The following CA10 variants were observed in gnomAD, a reference collection of about 807,000 sequenced individuals.
CA10 encodes carbonic anhydrase 10 (inactive).
CA10 carries 14 observed loss-of-function variants against 44.2 expected under a neutral mutation model. The ratio of observed to expected loss-of-function variants is 0.32; its 90% CI spans 0.21 to 0.50. The LOEUF (loss-of-function observed/expected upper bound fraction) is 0.50. Ranked by LOEUF, CA10 falls within the 20% of genes least tolerant of loss-of-function variation. The pLI is 0.99. For synonymous variants in CA10, 159 were observed against 141.6 expected (o/e 1.12, Z -0.87); for missense variants, 350 against 409.7 (o/e 0.85, Z 1.26).
intron 3 of CA10, among the ~76,000 whole-genome samples, chr17:51,929,550 A>AC (rs1047024923): frequency 2.6e-5 from 4 of 151,730 alleles, no homozygotes; most frequent in African/African-American, 9.7e-5. Context: ...GGGCTTTTCC[A>AC]CCCCCTGCTT....
rs146891012 is a variant in CA10, at chr17:51,685,275, G to A, written c.466-31539C>T. On this transcript the variant is annotated intron_variant, in intron 4 of 8. Coordinates refer to ENST00000451037, the MANE Select transcript of CA10 (RefSeq NM_020178.5). The stretch of plus-strand genomic sequence containing the variant: ...GATGGCATGAAGACCCAGATTTGCC[G>A]TCTGTAAATCATTTGAGACTCTCTC... Among the ~76,000 whole-genome samples, 620 of 152,214 alleles carry A rather than the reference G, an allele frequency of 4.1e-3. 2 individuals are homozygous for A. Among genetic ancestry groups the A allele is most frequent in the African/African-American group, 0.014 (568 of 41,534 alleles).
chr17:51,877,229 T>G lies in CA10; in HGVS notation c.279+53761A>C, dbSNP rs145145601. On this transcript the variant is annotated intron_variant, in intron 3 of 8. Transcript: ENST00000451037. The stretch of plus-strand genomic sequence containing the variant: ...CCAATGTTGCTGAGTAGAAATGACA[T>G]GGAAGAGAGTACCCTGCCAAACCTC... Among the ~76,000 whole-genome samples, 51 of 152,300 alleles carry G rather than the reference T, an allele frequency of 3.3e-4. 3 individuals are homozygous for G. Among genetic ancestry groups the G allele is most frequent in the African/African-American group, 1.2e-3 (49 of 41,556 alleles).
intron 3 of CA10, among the ~76,000 whole-genome samples, chr17:51,887,534 G>A (rs536588027): frequency 2.6e-4 from 39 of 152,282 alleles, no homozygotes; most frequent in Admixed American, 2.1e-3. Context: ...TAACATGGTT[G>A]GGATCCTTGC....
intron 1 of CA10, among the ~76,000 whole-genome samples, chr17:52,154,475 TA>T (rs2143420965): frequency 6.6e-6 from 1 of 152,304 alleles, no homozygotes; most frequent in East Asian, 1.9e-4. Flanking sequence ...TTGTAAAAAT[TA>T]AATCAGGCAG....
At chr17:51,654,142 C>G (rs1468456652) in intron 4 of CA10, among the ~76,000 whole-genome samples, 1 of 152,214 alleles carries the variant, frequency 6.6e-6, no homozygotes, top group African/African-American at 2.4e-5. Flanking sequence ...ATCTTCCTTG[C>G]AGCCTCGGAG....
At chr17:51,924,618 C>T (rs944901556) in intron 3 of CA10, among the ~76,000 whole-genome samples, 2 of 152,176 alleles carry the variant, frequency 1.3e-5, no homozygotes, top group African/African-American at 2.4e-5. Context: ...GCCTTCTTTC[C>T]ATAAGAGGGG....
rs376027669 is a variant in CA10, at chr17:51,950,796, T to A, written c.137-19664A>T. On this transcript the variant is annotated intron_variant, in intron 2 of 8. Transcript: ENST00000451037. ...TGAATGATACAGCACTTATCACCAATAAATATAGCATATATTTATATTGAT... is the reference window on the plus strand; with the variant it reads ...TGAATGATACAGCACTTATCACCAAAAAATATAGCATATATTTATATTGAT... Among the ~76,000 whole-genome samples the A allele has an allele frequency of 2.4e-3, 363 of 152,260 alleles. 1 individual carries two copies. The highest frequency in any genetic ancestry group is 8.4e-3 in the African/African-American group (348 of 41,558).
intron 6 of CA10, among the ~76,000 whole-genome samples, chr17:51,644,798 G>C (rs1464620463): frequency 2.2e-5 from 3 of 135,862 alleles, no homozygotes; most frequent in African/African-American, 8.2e-5. Flanking sequence ...TACATTTCTT[G>C]GCTTTTTTTT....
At position 51,808,047 on chromosome 17, in the gene CA10, C is replaced by T. The variant is rs190800328; in HGVS notation, c.280-60229G>A. Among the ~76,000 whole-genome samples the T allele has an allele frequency of 5.5e-4, 83 of 152,256 alleles. No homozygotes were observed. The South Asian group carries it at 7.7e-3, about 14-fold the overall frequency. On this transcript the variant is annotated intron_variant, in intron 3 of 8. Transcript: ENST00000451037. The stretch of plus-strand genomic sequence containing the variant: ...AAAAATAAAGTTTCCACTGTCATAT[C>T]CCATTGTTCTCACTACAGATCTGAG...
chr17:51,917,459 G>A (rs1202331674), intron 3 of CA10, among the ~76,000 whole-genome samples: 1 of 134,416 alleles, frequency 7.4e-6, no homozygotes, highest in Non-Finnish European at 1.7e-5. Flanking sequence ...TTCTTGCATT[G>A]TTATACAGAA....
intron 3 of CA10, among the ~76,000 whole-genome samples, chr17:51,846,948 A>G (rs1403235641): frequency 6.6e-6 from 1 of 152,184 alleles, no homozygotes; most frequent in Non-Finnish European, 1.5e-5. Context: ...ATATTTTGGG[A>G]TGAAATTAAT....
chr17:51,669,470 C>T (rs992298253), intron 4 of CA10, among the ~76,000 whole-genome samples: 2 of 152,182 alleles, frequency 1.3e-5, no homozygotes, highest in Admixed American at 6.5e-5. Context: ...CCAGCAGTGG[C>T]AACCCTCTCG....
chr17:52,047,960 T>A (rs990161076), intron 2 of CA10, among the ~76,000 whole-genome samples: 20 of 151,948 alleles, frequency 1.3e-4, no homozygotes, highest in Admixed American at 9.2e-4. Flanking sequence ...TTGGTCTTAT[T>A]TAGATGAAAA....
chr17:52,087,958 C>T (rs80272933), intron 1 of CA10, among the ~76,000 whole-genome samples: 1,732 of 152,198 alleles, frequency 0.011, 27 homozygotes, highest in African/African-American at 0.04. Context: ...GAGCTGAAGG[C>T]CATTATCCTT....
chr17:51,693,971 A>G (rs2078817), intron 4 of CA10, among the ~76,000 whole-genome samples: 65,436 of 151,780 alleles, frequency 0.43, 14,484 homozygotes, highest in African/African-American at 0.53. Flanking sequence ...TTGGGAGACT[A>G]AGGTGAGTGG....
chr17:51,673,823 C>A (rs1914515733), intron 4 of CA10, among the ~76,000 whole-genome samples: 1 of 152,230 alleles, frequency 6.6e-6, no homozygotes, highest in African/African-American at 2.4e-5. Context: ...TTTTATCCGG[C>A]CTGAAAGGCC....
chr17:52,052,000 C>T (rs961622387), intron 2 of CA10, among the ~76,000 whole-genome samples: 2 of 151,948 alleles, frequency 1.3e-5, no homozygotes, highest in Non-Finnish European at 1.5e-5. Flanking sequence ...GAGCTAGTAG[C>T]CATTATCCTT....
chr17:52,033,049 C>A (rs1212909569), intron 2 of CA10, among the ~76,000 whole-genome samples: 5 of 152,170 alleles, frequency 3.3e-5, no homozygotes, highest in Non-Finnish European at 7.3e-5. Context: ...ATGACTCCAA[C>A]TACAACATGG....
At chr17:51,690,247 C>T (rs1915147434) in intron 4 of CA10, among the ~76,000 whole-genome samples, 1 of 152,190 alleles carries the variant, frequency 6.6e-6, no homozygotes, top group South Asian at 2.1e-4. Context: ...CATGCCTCGG[C>T]CCCTCTCTTA....
Sources: gnomAD v4.1 joint callset for allele counts (sites outside exome capture counted in the v4.1 genomes callset) on GRCh38, gnomAD v4.1.1 for gene constraint, MANE v1.5 for transcripts, NCBI Gene and HGNC (gene_info 2026-07-23, HGNC 2026-07-21) for gene names.